Variants in NONO observed in about 807,000 individuals in gnomAD.
NONO encodes the protein non-POU domain containing octamer binding.
In NONO, 6 loss-of-function variants were observed where a neutral mutation model predicts 40.2. The observed-to-expected ratio is 0.15, with a 90% CI of 0.08 to 0.29. The LOEUF is 0.29. NONO is among the 10% of genes least tolerant of loss of function. The probability of loss-of-function intolerance (pLI) is 1.00; values close to 1 mark genes in which losing one functional copy is unlikely to be tolerated. For synonymous variants in NONO, 89 were observed against 123.3 expected (o/e 0.72, Z 1.85); for missense variants, 133 against 397.8 (o/e 0.33, Z 5.66).
At chrX:71,292,137 G>A (rs2031339933) in intron 4 of NONO, 165 bp downstream of exon 4, 1 of 380,916 alleles carries the variant, frequency 2.6e-6, no homozygotes, top group South Asian at 7.6e-5. Context: ...TTCCTCATAA[G>A]TTTTGTTTCA....
At chrX:71,290,925 C>G (rs1290634801) in intron 3 of NONO, 134 bp downstream of exon 3, 3 of 717,518 alleles carry the variant, frequency 4.2e-6, no homozygotes, top group South Asian at 4.0e-5. Flanking sequence ...CTCTTTACCT[C>G]TTAATACTTA....
At chrX:71,287,606 C>A (rs2031219518) in intron 2 of NONO, among the ~76,000 whole-genome samples, 1 of 111,655 alleles carries the variant, frequency 9.0e-6, no homozygotes, top group Non-Finnish European at 1.9e-5. Context: ...TCTCGAACTC[C>A]TGACCTCAGG....
intron 5 of NONO, 93 bp from the exon 6 acceptor site, chrX:71,296,472 G>A: frequency 8.1e-6 from 5 of 614,009 alleles, no homozygotes; most frequent in Non-Finnish European, 1.0e-5. Context: ...CCAATCCTGA[G>A]CCCTAGCTAA....
chrX:71,293,363 A>C (rs2031366661), intron 4 of NONO, among the ~76,000 whole-genome samples: 1 of 111,039 alleles, frequency 9.0e-6, no homozygotes, highest in East Asian at 2.9e-4. Flanking sequence ...TGGGCGGATC[A>C]CTTGAGGTCA....
chrX:71,284,909 C>T (rs1258970352), intron 2 of NONO: 1 of 112,454 alleles, frequency 8.9e-6, no homozygotes, highest in African/African-American at 3.2e-5. Flanking sequence ...AATTCTTCAT[C>T]AGGATTATTA....
intron 5 of NONO, 104 bp downstream of exon 5, chrX:71,294,632 G>C (rs989418508): frequency 1.2e-6 from 1 of 836,987 alleles, no homozygotes; most frequent in East Asian, 3.4e-5. Flanking sequence ...AAAGACTTTT[G>C]GTCAGCCTGG....
intron 2 of NONO, chrX:71,284,994 T>A (rs1326012444): frequency 1.8e-5 from 2 of 112,646 alleles, no homozygotes; most frequent in Non-Finnish European, 3.7e-5. Context: ...AGGCCCAGTA[T>A]TTAGGCGACA....
At chrX:71,289,242 G>A (rs190449691) in intron 2 of NONO, among the ~76,000 whole-genome samples, 8 of 111,661 alleles carry the variant, frequency 7.2e-5, no homozygotes, top group Non-Finnish European at 1.5e-4. Context: ...TATAACTGCT[G>A]ATGCCTCGTT....
intron 11 of NONO, 81 bp downstream of exon 11, chrX:71,298,897 G>A: frequency 5.4e-6 from 4 of 740,756 alleles, no homozygotes; most frequent in African/African-American, 2.1e-5. Flanking sequence ...GCCCCTGGGG[G>A]CCTACCTCAG....
Position 71,291,873 on chromosome X carries a change from C to T in NONO, c.249C>T (p.Pro83=), listed in dbSNP as rs1036770687. ...GTCTTTTTGTGGGAAATCTTCCTCC[C>T]GACATCACTGAGGAAGAAATGAGGA... ...RSRLFVGNLP[P]DITEEEMRKL... The change falls in exon 4 of 12, where the codon CCC becomes CCT. Residue 83 remains proline (P), a synonymous_variant. Transcript: ENST00000276079. 2 of 1,199,407 alleles carry T rather than the reference C, an allele frequency of 1.7e-6. No homozygotes were observed. The highest frequency in any genetic ancestry group is 2.3e-6 in the Non-Finnish European group (2 of 887,294).
rs1046095155 is a variant in NONO at position 71,300,703 on chromosome X, C to G, written c.*627C>G. The G allele has an allele frequency of 5.6e-6, 1 of 178,126 alleles. No homozygotes were observed. Among genetic ancestry groups the G allele is most frequent in the Non-Finnish European group, 1.1e-5 (1 of 93,911 alleles). The allele number at this position is 178,126 out of a possible 1,213,427, so 14.7% of individuals were successfully genotyped here. On this transcript the variant is annotated 3_prime_UTR_variant, in exon 12 of 12. Transcript: ENST00000276079. ...CCAAACATCCCCCAATGACCTTAGC[C>G]CCATTGCTCCATTCACTCCCAGGTG...
intron 5 of NONO, among the ~76,000 whole-genome samples, chrX:71,294,782 G>A (rs1297213402): frequency 2.7e-5 from 3 of 111,485 alleles, no homozygotes; most frequent in Non-Finnish European, 5.6e-5. Flanking sequence ...AGCCAAACAT[G>A]GTGGCGTGTG....
At chrX:71,295,963 A>AT (rs1284342030) in intron 5 of NONO, among the ~76,000 whole-genome samples, 1 of 110,689 alleles carries the variant, frequency 9.0e-6, no homozygotes, top group African/African-American at 3.3e-5. Context: ...TGAAAAGTTG[A>AT]TTTGTGCCTG....
intron 2 of NONO, among the ~76,000 whole-genome samples, chrX:71,285,572 A>C (rs1478872151): frequency 8.9e-6 from 1 of 112,067 alleles, no homozygotes; most frequent in Non-Finnish European, 1.9e-5. Flanking sequence ...AGCCAAAAAC[A>C]ACCACCTAAA....
At chrX:71,298,069 A>C (rs1422679589) in intron 9 of NONO, 131 bp downstream of exon 9, 2 of 477,059 alleles carry the variant, frequency 4.2e-6, no homozygotes, top group Non-Finnish European at 3.6e-6. Flanking sequence ...AGAATTCATA[A>C]GAAGGAGAGG....
chrX:71,289,917 G>A (rs778136508), intron 2 of NONO, among the ~76,000 whole-genome samples: 1 of 111,201 alleles, frequency 9.0e-6, no homozygotes, highest in Non-Finnish European at 1.9e-5. Flanking sequence ...GATTACAGGC[G>A]CCCGCTACCA....
rs2031581936 is a variant in NONO, at chrX:71,301,052, G to C, written c.*976G>C. ...CGCCTATCTTAGGTAGTCATGCTGT[G>C]CATTTTTTTTTTCATTGGTGTACTG... On this transcript the variant is annotated 3_prime_UTR_variant, in exon 12 of 12. Coordinates refer to ENST00000276079, the MANE Select transcript of NONO (RefSeq NM_007363.5). 1 of 148,715 alleles carries C rather than the reference G, an allele frequency of 6.7e-6. No individual in the cohort carries two copies. The highest frequency in any genetic ancestry group is 8.8e-5 in the Admixed American group (1 of 11,421). The allele number at this position is 148,715 out of a possible 1,213,427, so 12.3% of individuals were successfully genotyped here.
At chrX:71,298,022 C>A in intron 9 of NONO, 84 bp downstream of exon 9, 1 of 613,368 alleles carries the variant, frequency 1.6e-6, no homozygotes, top group Non-Finnish European at 2.6e-6. Flanking sequence ...CGGTTATGAC[C>A]AATTTTCCCG....
intron 4 of NONO, chrX:71,292,937 A>C (rs1382193014): frequency 3.6e-5 from 4 of 112,425 alleles, no homozygotes; most frequent in Admixed American, 9.5e-5. Context: ...TGGGTGATAG[A>C]GTGAGACCCA....
Sources: allele counts gnomAD v4.1 joint callset (sites outside exome capture counted in the v4.1 genomes callset), GRCh38; gene constraint gnomAD v4.1.1; transcripts MANE v1.5; gene names NCBI Gene and HGNC (gene_info 2026-07-23, HGNC 2026-07-21).